FCHSD2: variants seen among roughly 807,000 people sequenced by gnomAD.
The protein encoded by FCHSD2 is FCH and double SH3 domains 2, also known as F-BAR and double SH3 domains protein 2.
In FCHSD2, 38 loss-of-function variants were observed where a neutral mutation model predicts 108.1. The ratio of observed to expected loss-of-function variants is 0.35; its 90% CI spans 0.27 to 0.46. The LOEUF (loss-of-function observed/expected upper bound fraction) is 0.46, where lower values mean the gene tolerates loss of function less well. FCHSD2 is among the 20% of genes least tolerant of loss of function. FCHSD2 has a pLI of 1.00. For synonymous variants in FCHSD2, 279 were observed against 314.7 expected (o/e 0.89, Z 1.20); for missense variants, 751 against 897.8 (o/e 0.84, Z 2.09).
At chr11:72,979,557 A>T (rs978087772) in intron 8 of FCHSD2, among the ~76,000 whole-genome samples, 3 of 152,224 alleles carry the variant, frequency 2.0e-5, no homozygotes, top group African/African-American at 7.2e-5. Context: ...GATTCTCAAT[A>T]CTTACACAGT....
At chr11:73,120,110 G>A (rs1409771907) in intron 2 of FCHSD2, among the ~76,000 whole-genome samples, 1 of 151,938 alleles carries the variant, frequency 6.6e-6, no homozygotes, top group African/African-American at 2.4e-5. Flanking sequence ...ACCAAGAACA[G>A]CACGGTGGAA....
chr11:73,032,404 T>A (rs1483823006), intron 3 of FCHSD2, among the ~76,000 whole-genome samples: 2 of 152,082 alleles, frequency 1.3e-5, no homozygotes, highest in Middle Eastern at 3.2e-3. Context: ...TTTTAATTTT[T>A]TTATAGAGAC....
At chr11:73,130,918 T>C (rs1166196913) in intron 2 of FCHSD2, among the ~76,000 whole-genome samples, 1 of 152,242 alleles carries the variant, frequency 6.6e-6, no homozygotes, top group East Asian at 1.9e-4. Context: ...ACTTGATCTT[T>C]TTTTCTTGCA....
At chr11:73,131,142 G>T (rs1008595363) in intron 2 of FCHSD2, among the ~76,000 whole-genome samples, 1 of 152,126 alleles carries the variant, frequency 6.6e-6, no homozygotes, top group African/African-American at 2.4e-5. Flanking sequence ...AGCACTTTGG[G>T]AGCTTGAGGC....
chr11:72,878,905 G>A (rs182526176), intron 12 of FCHSD2, among the ~76,000 whole-genome samples: 3 of 152,022 alleles, frequency 2.0e-5, no homozygotes, highest in East Asian at 1.9e-4. Context: ...TCAGGAGTTC[G>A]AGACCAGCCT....
At chr11:72,997,167 A>G (rs2135413402) in intron 5 of FCHSD2, among the ~76,000 whole-genome samples, 1 of 152,326 alleles carries the variant, frequency 6.6e-6, no homozygotes, top group South Asian at 2.1e-4. Flanking sequence ...TATAGCCGAG[A>G]GGCCAAAGAG....
intron 8 of FCHSD2, among the ~76,000 whole-genome samples, chr11:72,948,998 T>C (rs1856572660): frequency 6.6e-6 from 1 of 152,142 alleles, no homozygotes; most frequent in Non-Finnish European, 1.5e-5. Context: ...GGTGGGATGC[T>C]AGATTTTCAC....
Position 72,902,606 on chromosome 11 carries a change from C to T in FCHSD2, c.861G>A (p.Leu287=). 1 of 1,581,966 alleles carries T rather than the reference C, an allele frequency of 6.3e-7. No individual in the cohort carries two copies. Among genetic ancestry groups the T allele is most frequent in the African/African-American group, 1.3e-5 (1 of 74,408 alleles). ...VVRDYNLQLF[L]QENAVFHKPQ... Reference sequence around the variant, plus strand: ...GTTTGTGAAATACAGCGTTTTCTTGCAAAAACAGCTGAAGATTGTAGTCCC... The same window carrying T: ...GTTTGTGAAATACAGCGTTTTCTTGTAAAAACAGCTGAAGATTGTAGTCCC... The change falls in exon 10 of 20, where the codon TTG becomes TTA. Residue 287 remains leucine, a synonymous_variant. Transcript: ENST00000409418.
Position 73,000,990 on chromosome 11 carries a change from C to G in FCHSD2, c.387G>C (p.Arg129Ser), listed in dbSNP as rs768416463. 3 of 1,601,278 alleles carry G rather than the reference C, an allele frequency of 1.9e-6. No individual in the cohort carries two copies. In the Admixed American group the frequency reaches 5.2e-5, roughly 28 times the overall value. Residue 129 changes from arginine to serine, a missense_variant and splice_region_variant, in exon 5 of 20, where the codon AGG becomes AGC. Transcript: ENST00000409418. ...ATAAGAACAGAAATAAAAACAATAC[C>G]CTTTTTAGTTGCTGTTCTTTTAAGC... ...VRSLKEQQLK[R>S]CVDQLTKIQT...
At chr11:73,073,509 T>C (rs548102549) in intron 3 of FCHSD2, among the ~76,000 whole-genome samples, 1 of 152,298 alleles carries the variant, frequency 6.6e-6, no homozygotes, top group South Asian at 2.1e-4. Context: ...TGCATGTGCT[T>C]GAGATAAAAT....
chr11:72,912,193 G>A (rs1855778470), intron 9 of FCHSD2, among the ~76,000 whole-genome samples: 1 of 152,154 alleles, frequency 6.6e-6, no homozygotes, highest in Non-Finnish European at 1.5e-5. Flanking sequence ...GAACAACAGT[G>A]GTAAAAGTGG....
chr11:72,948,925 A>C (rs1457047030), intron 8 of FCHSD2, among the ~76,000 whole-genome samples: 2 of 151,898 alleles, frequency 1.3e-5, no homozygotes, highest in East Asian at 3.9e-4. Context: ...TCGGCCTCCC[A>C]AAGTGCTGGG....
At chr11:73,117,892 G>A (rs1400192027) in intron 2 of FCHSD2, among the ~76,000 whole-genome samples, 3 of 152,160 alleles carry the variant, frequency 2.0e-5, no homozygotes, top group East Asian at 3.8e-4. Flanking sequence ...AGCATGCTTA[G>A]TGTTAACCAG....
At chr11:72,842,306 C>T (rs1298551247) in intron 17 of FCHSD2, among the ~76,000 whole-genome samples, 1 of 152,260 alleles carries the variant, frequency 6.6e-6, no homozygotes, top group Non-Finnish European at 1.5e-5. Context: ...AGAGCAACGC[C>T]TTCCCTCTTC....
At chr11:72,862,006 C>G (rs1471415706) in intron 13 of FCHSD2, among the ~76,000 whole-genome samples, 1 of 151,434 alleles carries the variant, frequency 6.6e-6, no homozygotes, top group Non-Finnish European at 1.5e-5. Flanking sequence ...GGTTTAATAT[C>G]TGAATAATCA....
intron 8 of FCHSD2, among the ~76,000 whole-genome samples, chr11:72,928,871 C>G (rs1231024061): frequency 6.6e-6 from 1 of 152,048 alleles, no homozygotes; most frequent in Non-Finnish European, 1.5e-5. Context: ...ATCCCTCCCC[C>G]CGTCCCCCAC....
intron 10 of FCHSD2, among the ~76,000 whole-genome samples, chr11:72,901,760 T>G (rs1226873560): frequency 6.6e-6 from 1 of 152,236 alleles, no homozygotes; most frequent in Non-Finnish European, 1.5e-5. Context: ...TGCTTTAATA[T>G]TCTAAGAAAT....
intron 2 of FCHSD2, among the ~76,000 whole-genome samples, chr11:73,090,916 C>A (rs955203487): frequency 1.3e-5 from 2 of 152,102 alleles, no homozygotes; most frequent in African/African-American, 2.4e-5. Context: ...TAAGTAATCA[C>A]GCTTCATTCC....
intron 3 of FCHSD2, among the ~76,000 whole-genome samples, chr11:73,054,638 CAG>C (rs903096876): frequency 3.3e-5 from 5 of 149,728 alleles, no homozygotes; most frequent in African/African-American, 1.2e-4. Context: ...GGGAAACAAA[CAG>C]AGGGGGTGGA....
Sources: gnomAD v4.1 joint callset for allele counts (sites outside exome capture counted in the v4.1 genomes callset) on GRCh38, gnomAD v4.1.1 for gene constraint, MANE v1.5 for transcripts, NCBI Gene and HGNC (gene_info 2026-07-23, HGNC 2026-07-21) for gene names.